The following ZNF469 variants were observed in gnomAD, a reference collection of about 807,000 sequenced individuals.
The protein encoded by ZNF469 is zinc finger protein 469.
A neutral mutation model predicts 1.0 loss-of-function variants in ZNF469; 1 was observed. The observed-to-expected ratio is 1.00, with a 90% CI of 0.35 to 4.73. The LOEUF is 4.73. ZNF469 is among the 30% of genes most tolerant of loss of function. ZNF469 has a pLI of 0.16. For missense variants in ZNF469, 6,100 were observed against 5,356.3 expected (o/e 1.14, Z -4.33); for synonymous variants, 2,703 against 2,363.4 (o/e 1.14, Z -4.17).
chr16:88,408,682 T>C (rs376998972), intron 1 of ZNF469, among the ~76,000 whole-genome samples: 1 of 152,142 alleles, frequency 6.6e-6, no homozygotes, highest in East Asian at 1.9e-4. Flanking sequence ...GTCTCTCCCT[T>C]CCAGGCTTAC....
the ZNF469 span, among the ~76,000 whole-genome samples, chr16:88,215,470 A>G: frequency 1.6e-5 from 2 of 124,528 alleles, no homozygotes; most frequent in East Asian, 2.5e-4. Context: ...GCTTGTTGCA[A>G]CCTCCGCCTC....
the ZNF469 span, among the ~76,000 whole-genome samples, chr16:88,106,663 G>A: frequency 3.3e-5 from 5 of 152,358 alleles, no homozygotes; most frequent in East Asian, 3.9e-4. Flanking sequence ...CACCACGTGA[G>A]CCAAGGCAGG....
chr16:88,265,765 C>T, the ZNF469 span, among the ~76,000 whole-genome samples: 39,660 of 151,796 alleles, frequency 0.26, 5,239 homozygotes, highest in East Asian at 0.44. Context: ...CGGGAGGCGG[C>T]GCGTCTCTCT....
chr16:88,188,814 G>A, the ZNF469 span, among the ~76,000 whole-genome samples: 19 of 152,134 alleles, frequency 1.2e-4, no homozygotes, highest in East Asian at 3.9e-4. Flanking sequence ...GTGAGATTCC[G>A]GGGGCACCTC....
the ZNF469 span, among the ~76,000 whole-genome samples, chr16:88,117,778 A>G: frequency 2.0e-5 from 3 of 152,190 alleles, no homozygotes; most frequent in African/African-American, 7.2e-5. Flanking sequence ...GGTCGTGTGC[A>G]AGTGACCTGG....
At chr16:88,328,312 T>C in the ZNF469 span, among the ~76,000 whole-genome samples, 1 of 152,250 alleles carries the variant, frequency 6.6e-6, no homozygotes, top group East Asian at 1.9e-4. Flanking sequence ...TGCTGCTGAC[T>C]GTGTGACCTT....
the ZNF469 span, among the ~76,000 whole-genome samples, chr16:88,304,082 A>C: frequency 6.6e-6 from 1 of 152,278 alleles, no homozygotes; most frequent in East Asian, 1.9e-4. Context: ...TGCTCAGAGG[A>C]GGCTTGTTCT....
chr16:88,210,568 T>A, the ZNF469 span, among the ~76,000 whole-genome samples: 6 of 152,264 alleles, frequency 3.9e-5, no homozygotes, highest in Non-Finnish European at 8.8e-5. Flanking sequence ...TTTTTACATA[T>A]AGATCTCTAA....
chr16:88,305,180 G>A, the ZNF469 span, among the ~76,000 whole-genome samples: 1 of 152,162 alleles, frequency 6.6e-6, no homozygotes, highest in Admixed American at 6.5e-5. Flanking sequence ...CCACACTGAG[G>A]GGATGTCTGC....
chr16:88,189,997 T>C, the ZNF469 span, among the ~76,000 whole-genome samples: 27 of 152,138 alleles, frequency 1.8e-4, no homozygotes, highest in African/African-American at 6.5e-4. The surrounding 1 kb of genome is among the most constrained non-coding windows in gnomAD (Gnocchi z 4.3). Context: ...TCAAGATCCT[T>C]ATCACAATTT....
chr16:88,409,108 G>T (rs1280341070), intron 1 of ZNF469, among the ~76,000 whole-genome samples: 1 of 152,226 alleles, frequency 6.6e-6, no homozygotes, highest in East Asian at 1.9e-4. Flanking sequence ...CTGCAGGGAG[G>T]GTCATGGGAC....
At chr16:88,229,490 G>C in the ZNF469 span, among the ~76,000 whole-genome samples, 1 of 152,322 alleles carries the variant, frequency 6.6e-6, no homozygotes, top group African/African-American at 2.4e-5. Flanking sequence ...TGCGGTGCTT[G>C]TGCTAGTCCT....
At chr16:88,127,431 T>G in the ZNF469 span, among the ~76,000 whole-genome samples, 3 of 152,264 alleles carry the variant, frequency 2.0e-5, no homozygotes, top group African/African-American at 7.2e-5. Context: ...GACTTTCTAT[T>G]TGGTCAGTTG....
the ZNF469 span, among the ~76,000 whole-genome samples, chr16:88,249,865 C>T: frequency 1.3e-5 from 2 of 152,230 alleles, no homozygotes; most frequent in African/African-American, 4.8e-5. Context: ...ACCCAGCCCC[C>T]ATGACCTGCT....
chr16:88,102,912 T>C, the ZNF469 span, among the ~76,000 whole-genome samples: 1 of 152,380 alleles, frequency 6.6e-6, no homozygotes, highest in African/African-American at 2.4e-5. Flanking sequence ...CTCATGGCTT[T>C]GGTTCCTCTG....
At chr16:88,346,531 T>A in the ZNF469 span, among the ~76,000 whole-genome samples, 41 of 152,372 alleles carry the variant, frequency 2.7e-4, no homozygotes, top group African/African-American at 9.9e-4. Flanking sequence ...TTTTTTTTAT[T>A]TTTTAGAGAC....
At chr16:88,357,188 C>T in the ZNF469 span, among the ~76,000 whole-genome samples, 2 of 152,226 alleles carry the variant, frequency 1.3e-5, no homozygotes, top group East Asian at 3.8e-4. Context: ...GATGACAGAG[C>T]CCTGGACCCG....
At chr16:88,223,966 T>G in the ZNF469 span, among the ~76,000 whole-genome samples, 6 of 152,248 alleles carry the variant, frequency 3.9e-5, no homozygotes, top group Non-Finnish European at 8.8e-5. Context: ...GGAATGGGGG[T>G]TGGGGCATTT....
At chr16:88,232,890 G>A in the ZNF469 span, among the ~76,000 whole-genome samples, 2 of 152,240 alleles carry the variant, frequency 1.3e-5, no homozygotes, top group East Asian at 3.8e-4. Context: ...AGCCTTCTCA[G>A]CAGCCAGGAG....
Sources: gnomAD v4.1 joint callset for allele counts (sites outside exome capture counted in the v4.1 genomes callset) on GRCh38, gnomAD v4.1.1 for gene constraint, Gnocchi (gnomAD v3.1) non-coding constraint, MANE v1.5 for transcripts, NCBI Gene and HGNC (gene_info 2026-07-23, HGNC 2026-07-21) for gene names.